CCDC170: variants seen among roughly 807,000 people sequenced by gnomAD.
The protein encoded by CCDC170 is coiled-coil domain-containing protein 170.
A neutral mutation model predicts 72.6 loss-of-function variants in CCDC170; 69 were observed. That is an observed-to-expected ratio of 0.95 (90% confidence interval 0.78 to 1.16). The LOEUF (loss-of-function observed/expected upper bound fraction) is 1.16. Ranked by LOEUF, CCDC170 falls within the 50% of genes most tolerant of loss-of-function variation. The pLI is 0.00. For missense variants in CCDC170, 852 were observed against 832.5 expected (o/e 1.02, Z -0.29); for synonymous variants, 300 against 303.9 (o/e 0.99, Z 0.13).
chr6:151,562,676 G>A (rs997033469), intron 5 of CCDC170, among the ~76,000 whole-genome samples: 6 of 152,178 alleles, frequency 3.9e-5, no homozygotes, highest in Non-Finnish European at 8.8e-5. Flanking sequence ...TTGTGGAATA[G>A]CACTAAGCTC....
At chr6:151,514,044 T>C (rs914334160) in intron 1 of CCDC170, among the ~76,000 whole-genome samples, 1 of 150,374 alleles carries the variant, frequency 6.7e-6, no homozygotes, top group African/African-American at 2.5e-5. Flanking sequence ...TTAACCAAGA[T>C]AAATAAAGCA....
chr6:151,530,400 A>G (rs1230121475), intron 1 of CCDC170, among the ~76,000 whole-genome samples: 1 of 150,642 alleles, frequency 6.6e-6, no homozygotes, highest in Non-Finnish European at 1.5e-5. Context: ...TGTCTTTCTT[A>G]TAGAACTATC....
At chr6:151,537,922 T>A in intron 2 of CCDC170, 123 bp from the exon 3 acceptor site, 2 of 950,726 alleles carry the variant, frequency 2.1e-6, no homozygotes, top group Non-Finnish European at 3.1e-6. Context: ...AGAAAAAAAA[T>A]AAAGTTAGAT....
intron 5 of CCDC170, among the ~76,000 whole-genome samples, chr6:151,565,500 G>C (rs1290546687): frequency 1.3e-5 from 2 of 152,196 alleles, no homozygotes; most frequent in Admixed American, 1.3e-4. Flanking sequence ...AACCAAGCAG[G>C]CTGCTTCTCT....
chr6:151,525,659 T>C (rs1448110432), intron 1 of CCDC170, among the ~76,000 whole-genome samples: 2 of 152,208 alleles, frequency 1.3e-5, no homozygotes, highest in Admixed American at 6.5e-5. Context: ...CCACCACCCT[T>C]TGCTGACTCT....
intron 9 of CCDC170, among the ~76,000 whole-genome samples, chr6:151,606,425 A>G (rs1253515742): frequency 1.3e-5 from 2 of 152,132 alleles, no homozygotes; most frequent in Non-Finnish European, 2.9e-5. Flanking sequence ...TATTTGTAGA[A>G]TTTCCAAAGT....
chr6:151,607,239 A>T (rs935103688), intron 9 of CCDC170, among the ~76,000 whole-genome samples: 2 of 152,160 alleles, frequency 1.3e-5, no homozygotes, highest in Non-Finnish European at 2.9e-5. Context: ...ATGTATTTTC[A>T]GTCTATATTT....
At chr6:151,597,101 C>T (rs1180716166) in intron 9 of CCDC170, among the ~76,000 whole-genome samples, 1 of 152,188 alleles carries the variant, frequency 6.6e-6, no homozygotes, top group Non-Finnish European at 1.5e-5. Context: ...GCTGGGATTA[C>T]AGGCGTGAGC....
chr6:151,585,433 T>C (rs1776438263), intron 6 of CCDC170, among the ~76,000 whole-genome samples: 1 of 152,232 alleles, frequency 6.6e-6, no homozygotes, highest in African/African-American at 2.4e-5. Flanking sequence ...TATCTGTACA[T>C]GAATTCCCTG....
chr6:151,571,719 C>A (rs1449727738), intron 5 of CCDC170, among the ~76,000 whole-genome samples: 1 of 149,136 alleles, frequency 6.7e-6, no homozygotes, highest in Admixed American at 6.9e-5. Flanking sequence ...AAGAGTGAAA[C>A]TCCGTCCCGG....
chr6:151,589,072 G>A lies in CCDC170; in HGVS notation c.1293+2983G>A, dbSNP rs533118076. ...AGTTCAAGAACAGCCTGGCCAACAT[G>A]GTGAAACTCCATCTCTACTAAAAAT... On this transcript the variant is annotated intron_variant, in intron 7 of 10. Coordinates refer to ENST00000239374, the MANE Select transcript of CCDC170 (RefSeq NM_025059.4). 5.3e-5 allele frequency among the ~76,000 whole-genome samples: 8 copies of A among 152,182 alleles called. No individual in the cohort carries two copies. The East Asian group carries it at 1.2e-3, about 22-fold the overall frequency.
At chr6:151,517,733 T>C (rs1373523457) in intron 1 of CCDC170, among the ~76,000 whole-genome samples, 2 of 152,142 alleles carry the variant, frequency 1.3e-5, no homozygotes, top group East Asian at 3.9e-4. Flanking sequence ...TGAGCCACCG[T>C]GCCCGGCCAC....
intron 5 of CCDC170, among the ~76,000 whole-genome samples, chr6:151,550,650 A>G (rs2115061110): frequency 6.6e-6 from 1 of 152,292 alleles, no homozygotes; most frequent in South Asian, 2.1e-4. Flanking sequence ...GGTGGTTTAA[A>G]CAACATAAAT....
intron 3 of CCDC170, among the ~76,000 whole-genome samples, chr6:151,539,625 A>G (rs1782650806): frequency 6.6e-6 from 1 of 152,138 alleles, no homozygotes; most frequent in African/African-American, 2.4e-5. Flanking sequence ...TCTCTTGGTG[A>G]TATCATTTAG....
intron 9 of CCDC170, among the ~76,000 whole-genome samples, chr6:151,602,005 C>T (rs1188166456): frequency 6.6e-6 from 1 of 152,170 alleles, no homozygotes; most frequent in Non-Finnish European, 1.5e-5. Flanking sequence ...TAGATTGTTT[C>T]CACTTTTGGC....
chr6:151,507,947 A>C (rs375981731), intron 1 of CCDC170, among the ~76,000 whole-genome samples: 2 of 152,054 alleles, frequency 1.3e-5, no homozygotes, highest in South Asian at 2.1e-4. Flanking sequence ...AAGAAAAGAA[A>C]ACATTGATAA....
Position 151,618,235 on chromosome 6 carries a change from GT to G in CCDC170, c.*91del, listed in dbSNP as rs1376007162. The G allele has an allele frequency of 1.7e-6, 2 of 1,180,746 alleles. No homozygotes were observed. Among genetic ancestry groups the G allele is most frequent in the Non-Finnish European group, 2.4e-6 (2 of 819,432 alleles). 73.1% of individuals were successfully genotyped at this position (1,180,746 alleles called of 1,614,324 possible). A position where few individuals can be genotyped will look rare whatever the true frequency, so the allele number is the denominator to read the frequency against. On this transcript the variant is annotated 3_prime_UTR_variant, in exon 11 of 11. Coordinates refer to ENST00000239374, the MANE Select transcript of CCDC170 (RefSeq NM_025059.4). ...TCCTCATGTCTTTGAGATTTGATCA[GT>G]TTGTGAATATTTTATGCTTTGATGA...
At chr6:151,568,429 G>T (rs1000489079) in intron 5 of CCDC170, among the ~76,000 whole-genome samples, 3 of 152,160 alleles carry the variant, frequency 2.0e-5, no homozygotes, top group Non-Finnish European at 2.9e-5. Flanking sequence ...GTTTGGGAAG[G>T]GGGGAATGGG....
At chr6:151,592,545 AG>A (rs1208552414) in intron 7 of CCDC170, among the ~76,000 whole-genome samples, 2 of 152,292 alleles carry the variant, frequency 1.3e-5, no homozygotes, top group Middle Eastern at 3.4e-3. Flanking sequence ...GCCAAGCAAA[AG>A]GGGTTTTCCC....
Sources: gnomAD v4.1 joint callset for allele counts (sites outside exome capture counted in the v4.1 genomes callset) on GRCh38, gnomAD v4.1.1 for gene constraint, MANE v1.5 for transcripts, NCBI Gene and HGNC (gene_info 2026-07-23, HGNC 2026-07-21) for gene names.